Variants in ERCC6L2 observed in about 807,000 individuals in gnomAD.
ERCC6L2 encodes the protein DNA excision repair protein ERCC-6-like 2.
In ERCC6L2, 77 loss-of-function variants were observed where a neutral mutation model predicts 132.0. The observed-to-expected ratio is 0.58, with a 90% CI of 0.49 to 0.71. The LOEUF (loss-of-function observed/expected upper bound fraction) is 0.71. ERCC6L2 is among the 30% of genes least tolerant of loss of function. ERCC6L2 has a pLI of 0.00. For synonymous variants in ERCC6L2, 583 were observed against 632.4 expected, an observed-to-expected ratio of 0.92 and a Z score of 1.17; for missense variants, 1,542 against 1,837.6, an observed-to-expected ratio of 0.84 and a Z score of 2.94.
In ERCC6L2 at chr9:96,015,199, T is replaced by C. The variant is rs1179220784; in HGVS notation, c.*1996T>C. Reference sequence around the variant, plus strand: ...CCACACTCAGCTAAACATTTTTTTTTTTTTTTGAGACGGAGTCTCACTCTG... The same window carrying C: ...CCACACTCAGCTAAACATTTTTTTTCTTTTTTGAGACGGAGTCTCACTCTG... On this transcript the variant is annotated 3_prime_UTR_variant, in exon 19 of 19. Coordinates refer to ENST00000653738, the MANE Select transcript of ERCC6L2 (RefSeq NM_020207.7). Among the ~76,000 whole-genome samples the C allele has an allele frequency of 6.6e-6, 1 of 150,770 alleles. No homozygotes were observed. The highest frequency in any genetic ancestry group is 6.6e-5 in the Admixed American group (1 of 15,196).
intron 20 of ERCC6L2, among the ~76,000 whole-genome samples, chr9:96,039,597 CCTCA>C (rs1383109644): frequency 6.6e-6 from 1 of 152,060 alleles, no homozygotes; most frequent in Non-Finnish European, 1.5e-5. Context: ...GTGCCTAAGG[CCTCA>C]ACTTACGGGG....
At chr9:95,881,787 T>A (rs918027554) in intron 2 of ERCC6L2, among the ~76,000 whole-genome samples, 1 of 152,240 alleles carries the variant, frequency 6.6e-6, no homozygotes, top group Non-Finnish European at 1.5e-5. Context: ...CCCTAAAATG[T>A]GTACTAGAAT....
At chr9:95,877,870 ACT>A (rs1827369670) in intron 1 of ERCC6L2, among the ~76,000 whole-genome samples, 4 of 152,078 alleles carry the variant, frequency 2.6e-5, no homozygotes, top group Middle Eastern at 3.4e-3. Context: ...CTGCTGTGTG[ACT>A]CTGTGTTGGT....
intron 17 of ERCC6L2, among the ~76,000 whole-genome samples, chr9:95,984,282 A>G (rs1023392318): frequency 2.0e-5 from 3 of 149,260 alleles, no homozygotes; most frequent in African/African-American, 7.3e-5. Flanking sequence ...TGTATATGAT[A>G]TACATGTTAT....
At chr9:95,915,628 A>T in intron 4 of ERCC6L2, 40 bp from the exon 5 acceptor site, 1 of 1,559,440 alleles carries the variant, frequency 6.4e-7, no homozygotes, top group Non-Finnish European at 8.6e-7. Flanking sequence ...TAAGAAAGGA[A>T]GTTTTCTCAA....
intron 18 of ERCC6L2, among the ~76,000 whole-genome samples, chr9:96,010,916 A>G (rs1049797118): frequency 6.6e-6 from 1 of 152,256 alleles, no homozygotes; most frequent in Non-Finnish European, 1.5e-5. Context: ...AAATAAATGA[A>G]TGTTTTAAGG....
chr9:95,885,767 AC>A (rs1380378579), intron 2 of ERCC6L2, among the ~76,000 whole-genome samples: 1 of 152,050 alleles, frequency 6.6e-6, no homozygotes, highest in Non-Finnish European at 1.5e-5. Context: ...TCACCTGGGA[AC>A]TTGTTAGGAT....
intron 1 of ERCC6L2, among the ~76,000 whole-genome samples, chr9:95,879,838 T>C (rs1329580629): frequency 6.6e-6 from 1 of 152,210 alleles, no homozygotes; most frequent in Non-Finnish European, 1.5e-5. Flanking sequence ...CTGCCAGTGG[T>C]TATCTGATCT....
At chr9:95,910,184 GT>G (rs1829276871) in intron 4 of ERCC6L2, among the ~76,000 whole-genome samples, 1 of 152,122 alleles carries the variant, frequency 6.6e-6, no homozygotes, top group Non-Finnish European at 1.5e-5. Context: ...ATCTTCAGTT[GT>G]AATTGTAGAT....
At chr9:95,960,453 G>T (rs1445191750) in intron 13 of ERCC6L2, among the ~76,000 whole-genome samples, 5 of 152,132 alleles carry the variant, frequency 3.3e-5, no homozygotes, top group Admixed American at 2.6e-4. Flanking sequence ...GAGATTCGGG[G>T]ATTATCTTGG....
At chr9:95,878,102 G>A (rs980399262) in intron 1 of ERCC6L2, among the ~76,000 whole-genome samples, 2 of 152,208 alleles carry the variant, frequency 1.3e-5, no homozygotes, top group African/African-American at 4.8e-5. Flanking sequence ...GAAAGTTGAT[G>A]GTGGCATGCT....
intron 17 of ERCC6L2, among the ~76,000 whole-genome samples, chr9:95,986,496 C>T (rs200599874): frequency 7.3e-5 from 9 of 123,744 alleles, no homozygotes; most frequent in African/African-American, 2.7e-4. Context: ...ATATCTCTCT[C>T]CTTTTTTTTT....
intron 17 of ERCC6L2, among the ~76,000 whole-genome samples, chr9:95,991,312 G>A (rs1265112777): frequency 6.6e-6 from 1 of 152,076 alleles, no homozygotes; most frequent in African/African-American, 2.4e-5. Context: ...AAAAGAAACT[G>A]CTTTCTGTTA....
At chr9:95,883,388 A>G (rs988510214) in intron 2 of ERCC6L2, among the ~76,000 whole-genome samples, 4 of 152,212 alleles carry the variant, frequency 2.6e-5, no homozygotes, top group Non-Finnish European at 5.9e-5. Context: ...CTTAGACCGA[A>G]CCCGTGGTGT....
At chr9:96,026,541 C>A (rs912046684) in intron 19 of ERCC6L2, among the ~76,000 whole-genome samples, 1 of 151,758 alleles carries the variant, frequency 6.6e-6, no homozygotes, top group African/African-American at 2.4e-5. Flanking sequence ...ACACCCCATG[C>A]GGAGCAGGGG....
intron 13 of ERCC6L2, among the ~76,000 whole-genome samples, chr9:95,958,196 C>T (rs537034449): frequency 1.3e-5 from 2 of 152,126 alleles, no homozygotes; most frequent in African/African-American, 2.4e-5. Context: ...CTACAAAGGA[C>T]ATGAACTCAT....
At chr9:95,887,669 T>C (rs181204390) in intron 2 of ERCC6L2, among the ~76,000 whole-genome samples, 122 of 152,276 alleles carry the variant, frequency 8.0e-4, no homozygotes, top group African/African-American at 2.8e-3. Flanking sequence ...AAAAGATGTA[T>C]AGTAAACCTC....
chr9:95,882,156 A>C (rs1827630275), intron 2 of ERCC6L2, among the ~76,000 whole-genome samples: 1 of 152,236 alleles, frequency 6.6e-6, no homozygotes, highest in Non-Finnish European at 1.5e-5. Flanking sequence ...AGCTTGCTTC[A>C]TAAAAGGAGA....
intron 13 of ERCC6L2, among the ~76,000 whole-genome samples, chr9:95,958,173 G>T (rs915392375): frequency 6.6e-6 from 1 of 151,810 alleles, no homozygotes; most frequent in Non-Finnish European, 1.5e-5. Context: ...GATTTCCAAT[G>T]TCATCCATGT....
Sources: gnomAD v4.1 joint callset for allele counts (sites outside exome capture counted in the v4.1 genomes callset) on GRCh38, gnomAD v4.1.1 for gene constraint, MANE v1.5 for transcripts, NCBI Gene and HGNC (gene_info 2026-07-23, HGNC 2026-07-21) for gene names.